Variants in TRA2B observed in about 807,000 individuals in gnomAD.
TRA2B encodes transformer-2 protein homolog beta.
In TRA2B, 14 loss-of-function variants were observed where a neutral mutation model predicts 41.7. The observed-to-expected ratio is 0.34, with a 90% CI of 0.22 to 0.53. The LOEUF (loss-of-function observed/expected upper bound fraction) is 0.53, where lower values mean the gene tolerates loss of function less well. TRA2B is among the 20% of genes least tolerant of loss of function. TRA2B has a pLI of 0.95. For synonymous variants in TRA2B, 130 were observed against 128.8 expected (o/e 1.01, Z -0.06); for missense variants, 167 against 396.8 (o/e 0.42, Z 4.92).
At chr3:185,929,102 A>C (rs1178603905) in intron 1 of TRA2B, 1 of 152,200 alleles carries the variant, frequency 6.6e-6, no homozygotes, top group Non-Finnish European at 1.5e-5. Flanking sequence ...TAAGGGAAAT[A>C]CCAGAATGCA....
chr3:185,928,691 T>G (rs1397541762), intron 1 of TRA2B: 1 of 152,194 alleles, frequency 6.6e-6, no homozygotes, highest in Non-Finnish European at 1.5e-5. Context: ...CTAGAAAGAT[T>G]ACCTCTATGG....
At chr3:185,935,801 G>T in intron 1 of TRA2B, 1 of 985,236 alleles carries the variant, frequency 1.0e-6, no homozygotes, top group Non-Finnish European at 1.2e-6. Context: ...GTTCCAATTG[G>T]AACACAAACA....
At position 185,921,058 on chromosome 3, in the gene TRA2B, C is replaced by T. The variant is rs963220230; in HGVS notation, c.722+46G>A. ...AACTTAAGCATAGTGCTGCTCTGTA[C>T]ACTGTACTGAGATTCAGACGTTGAC... is the stretch of plus-strand genomic sequence containing the variant. On this transcript the variant is annotated intron_variant, in intron 6 of 8. Coordinates refer to ENST00000453386, the MANE Select transcript of TRA2B (RefSeq NM_004593.3). 7.1e-6 allele frequency: 11 copies of T among 1,542,732 alleles called. No homozygotes were observed. In the Admixed American group the frequency reaches 1.5e-4, roughly 21 times the overall value.
rs1743826107 is a variant in TRA2B, at chr3:185,923,616, A to G, written c.522+180T>C. 8 of 499,198 alleles carry G rather than the reference A, an allele frequency of 1.6e-5. No homozygotes were observed. In the South Asian group the frequency reaches 2.7e-4, roughly 17 times the overall value. The allele number at this position is 499,198 out of a possible 1,614,324, so 30.9% of individuals were successfully genotyped here. A position where few individuals can be genotyped will look rare whatever the true frequency, so the allele number is the denominator to read the frequency against. On this transcript the variant is annotated intron_variant, in intron 4 of 8. Coordinates refer to ENST00000453386, the MANE Select transcript of TRA2B (RefSeq NM_004593.3). ...ACTAATAAAGCAGGTGGTAGGACCA[A>G]CTTCCCCAAGTTATACAAAATTTTG...
intron 5 of TRA2B, 149 bp downstream of exon 5, chr3:185,921,862 A>G: frequency 1.9e-6 from 1 of 534,552 alleles, no homozygotes; most frequent in South Asian, 2.9e-5. Context: ...AACTTCTACT[A>G]TGAGAAAAAT....
chr3:185,922,701 G>A (rs937229002), intron 4 of TRA2B: 2 of 152,212 alleles, frequency 1.3e-5, no homozygotes, highest in African/African-American at 4.8e-5. Context: ...AGCTAAGACT[G>A]AAGCACAGCC....
At chr3:185,926,818 G>C in intron 1 of TRA2B, 84 bp from the exon 2 acceptor site, 1 of 1,516,672 alleles carries the variant, frequency 6.6e-7, no homozygotes, top group Non-Finnish European at 9.0e-7. Context: ...TAAATGGTGA[G>C]GGACAGCAAT....
At chr3:185,925,166 AT>A (rs1329994073) in intron 3 of TRA2B, 1 of 185,188 alleles carries the variant, frequency 5.4e-6, no homozygotes, top group African/African-American at 2.3e-5. Flanking sequence ...ATAGAACTAT[AT>A]TTTGAACTAA....
intron 1 of TRA2B, among the ~76,000 whole-genome samples, chr3:185,933,461 C>T (rs1034282567): frequency 6.6e-6 from 1 of 152,056 alleles, no homozygotes; most frequent in African/African-American, 2.4e-5. Flanking sequence ...AGAAACTTGT[C>T]CTATCAACAC....
intron 2 of TRA2B, among the ~76,000 whole-genome samples, chr3:185,925,933 A>C (rs1743933087): frequency 6.6e-6 from 1 of 152,228 alleles, no homozygotes; most frequent in African/African-American, 2.4e-5. Flanking sequence ...CCCCCTCAGA[A>C]GACCATTCTC....
intron 1 of TRA2B, chr3:185,936,640 A>T (rs985189318): frequency 8.1e-6 from 8 of 985,156 alleles, no homozygotes; most frequent in Admixed American, 1.2e-4. Flanking sequence ...ATCTTAAGGT[A>T]GCTTTACCAA....
chr3:185,932,617 A>C (rs1744193018), intron 1 of TRA2B, among the ~76,000 whole-genome samples: 1 of 152,206 alleles, frequency 6.6e-6, no homozygotes, highest in African/African-American at 2.4e-5. Flanking sequence ...AGTCTTCTGG[A>C]TGTCCAAAGG....
chr3:185,918,178 TA>T (rs1391805179), intron 8 of TRA2B, among the ~76,000 whole-genome samples, 186 bp downstream of exon 8: 1 of 152,274 alleles, frequency 6.6e-6, no homozygotes, highest in South Asian at 2.1e-4. Context: ...TTTTCCTTCT[TA>T]AAAAATAATA....
At chr3:185,935,485 G>A in intron 1 of TRA2B, 2 of 985,402 alleles carry the variant, frequency 2.0e-6, no homozygotes, top group Non-Finnish European at 2.4e-6. Flanking sequence ...CCTTAAAGGG[G>A]AGGGACACAA....
At chr3:185,917,819 G>A (rs1230928369) in intron 8 of TRA2B, 94 bp from the exon 9 acceptor site, 46 of 1,386,824 alleles carry the variant, frequency 3.3e-5, no homozygotes, top group Non-Finnish European at 4.5e-5. Flanking sequence ...CTGCCATTAA[G>A]AAATTCCTAT....
chr3:185,935,482 G>C (rs1275164312), intron 1 of TRA2B: 1 of 985,312 alleles, frequency 1.0e-6, no homozygotes, highest in African/African-American at 1.7e-5. Flanking sequence ...CAACCTTAAA[G>C]GGGAGGGACA....
At chr3:185,918,326 T>C (rs777371640) in intron 8 of TRA2B, 39 bp downstream of exon 8, 13 of 1,468,566 alleles carry the variant, frequency 8.9e-6, no homozygotes, top group African/African-American at 4.2e-5. Flanking sequence ...GAGCAAGCCA[T>C]ACTACAATAT....
At position 185,930,633 on chromosome 3, in the gene TRA2B, A is replaced by C. The variant is rs550826166; in HGVS notation, c.37-3899T>G. 5.9e-5 allele frequency among the ~76,000 whole-genome samples: 9 copies of C among 152,282 alleles called. No individual in the cohort carries two copies. In the East Asian group the frequency reaches 1.5e-3, roughly 26 times the overall value. ...TATTTTTGATATGTGTACTTGTCTC[A>C]TTCAACTGAAAGTAACATTACACCA... On this transcript the variant is annotated intron_variant, in intron 1 of 8. Transcript: ENST00000453386.
rs964051311 is a variant in TRA2B, at chr3:185,915,779, G to C, written c.*1936C>G. ...AGGATAGAAACCGAGGGTTATGTTC[G>C]AGATTATCAGGAGTGTGAACTCGCA... On this transcript the variant is annotated 3_prime_UTR_variant, in exon 9 of 9. Coordinates refer to ENST00000453386, the MANE Select transcript of TRA2B (RefSeq NM_004593.3). The C allele has an allele frequency of 2.0e-5, 3 of 152,166 alleles. No individual in the cohort carries two copies. Among genetic ancestry groups the C allele is most frequent in the Non-Finnish European group, 4.4e-5 (3 of 68,022 alleles). 9.4% of individuals were successfully genotyped at this position (152,166 alleles called of 1,614,324 possible). A position where few individuals can be genotyped will look rare whatever the true frequency, so the allele number is the denominator to read the frequency against.
Sources: allele counts gnomAD v4.1 joint callset (sites outside exome capture counted in the v4.1 genomes callset), GRCh38; gene constraint gnomAD v4.1.1; transcripts MANE v1.5; gene names NCBI Gene and HGNC (gene_info 2026-07-23, HGNC 2026-07-21).